The following GLRA2 variants were observed in gnomAD, a reference collection of about 807,000 sequenced individuals.
GLRA2 encodes the protein glycine receptor alpha 2, also known as glycine receptor subunit alpha-2.
In GLRA2, 11 loss-of-function variants were observed where a neutral mutation model predicts 31.6. That is an observed-to-expected ratio of 0.35 (90% CI 0.22 to 0.58). The LOEUF (loss-of-function observed/expected upper bound fraction) is 0.58, where lower values mean the gene tolerates loss of function less well. Ranked by LOEUF, GLRA2 falls within the 20% of genes least tolerant of loss-of-function variation. The pLI, the probability that GLRA2 is intolerant of heterozygous loss-of-function variation, is 0.84. For synonymous variants in GLRA2, 132 were observed against 134.0 expected, an observed-to-expected ratio of 0.99 and a Z score of 0.10; for missense variants, 212 against 351.8, an observed-to-expected ratio of 0.60 and a Z score of 3.18.
At chrX:14,490,576 C>T in the GLRA2 span, among the ~76,000 whole-genome samples, 49 of 112,396 alleles carry the variant, frequency 4.4e-4, no homozygotes, top group African/African-American at 1.5e-3. Context: ...CCACAGTTTG[C>T]ACTTCAGATT....
intron 7 of GLRA2, among the ~76,000 whole-genome samples, chrX:14,653,012 A>G (rs985962826): frequency 9.0e-6 from 1 of 111,150 alleles, no homozygotes; most frequent in Non-Finnish European, 1.9e-5. Flanking sequence ...GAACACCTAA[A>G]TGAATATTTA....
At chrX:14,640,237 G>A (rs1009997670) in intron 7 of GLRA2, among the ~76,000 whole-genome samples, 21 of 111,134 alleles carry the variant, frequency 1.9e-4, no homozygotes, top group African/African-American at 6.5e-4. Flanking sequence ...GAAAGGAAAC[G>A]TGCAATGCCT....
chrX:14,681,910 A>ATATATATAT (rs1556060453), intron 7 of GLRA2, among the ~76,000 whole-genome samples: 10 of 41,269 alleles, frequency 2.4e-4, no homozygotes, highest in African/African-American at 1.1e-3. Flanking sequence ...AAAAAAAAAA[A>ATATATATAT]ATATATATAT....
At chrX:14,591,395 C>T (rs1411527573) in intron 4 of GLRA2, among the ~76,000 whole-genome samples, 2 of 111,205 alleles carry the variant, frequency 1.8e-5, no homozygotes, top group African/African-American at 6.5e-5. Context: ...GGCCAAAGGC[C>T]CAAGAGCCCC....
rs147088500 is a variant in GLRA2 at position 14,615,955 on chromosome X, T to C, written c.930+6750T>C. 5.4e-5 allele frequency among the ~76,000 whole-genome samples: 6 copies of C among 111,610 alleles called. No individual in the cohort carries two copies. In the East Asian group the frequency reaches 1.1e-3, roughly 21 times the overall value. On this transcript the variant is annotated intron_variant, in intron 7 of 8. Transcript: ENST00000218075. ...CAGCATGATATGTGTTTCATCGGTA[T>C]CTTTCCCTTTGAAGCTATAAAATTG...
the GLRA2 span, among the ~76,000 whole-genome samples, chrX:14,454,962 T>C: frequency 7.1e-5 from 8 of 112,418 alleles, no homozygotes; most frequent in African/African-American, 2.6e-4. Flanking sequence ...AATTAGAACT[T>C]GATGGACATC....
chrX:14,550,999 T>C, intron 2 of GLRA2, among the ~76,000 whole-genome samples: 1 of 112,359 alleles, frequency 8.9e-6, no homozygotes. Flanking sequence ...AATGAGTCCT[T>C]ACTATGTGTC....
chrX:14,583,476 C>G (rs776430589), intron 4 of GLRA2, among the ~76,000 whole-genome samples: 1 of 112,507 alleles, frequency 8.9e-6, no homozygotes, highest in Non-Finnish European at 1.9e-5. Context: ...CCGTGGGTCA[C>G]GCCTGTAATC....
the GLRA2 span, among the ~76,000 whole-genome samples, chrX:14,523,352 G>C: frequency 8.9e-6 from 1 of 111,912 alleles, no homozygotes; most frequent in Non-Finnish European, 1.9e-5. Context: ...TGTTGTGACT[G>C]CTTTGATCTC....
chrX:14,586,063 CAAACA>C (rs754945578), intron 4 of GLRA2, among the ~76,000 whole-genome samples: 48 of 111,169 alleles, frequency 4.3e-4, no homozygotes, highest in African/African-American at 1.5e-3. Flanking sequence ...TTTTGATTGT[CAAACA>C]AAACAAATAT....
intron 8 of GLRA2, among the ~76,000 whole-genome samples, chrX:14,692,698 G>T (rs1274070096): frequency 9.0e-6 from 1 of 111,300 alleles, no homozygotes; most frequent in African/African-American, 3.3e-5. Flanking sequence ...CACTATCCTG[G>T]CTTACTGACT....
chrX:14,449,031 C>T, the GLRA2 span, among the ~76,000 whole-genome samples: 3 of 112,296 alleles, frequency 2.7e-5, no homozygotes, highest in Non-Finnish European at 5.6e-5. Flanking sequence ...CAGCTATCTG[C>T]TCATTCACCC....
At chrX:14,680,212 C>A (rs971845653) in intron 7 of GLRA2, among the ~76,000 whole-genome samples, 16 of 112,180 alleles carry the variant, frequency 1.4e-4, no homozygotes, top group African/African-American at 5.2e-4. Flanking sequence ...TAGAGCACAG[C>A]ATGAGTGGGG....
chrX:14,545,872 T>C (rs1375211229), intron 2 of GLRA2, among the ~76,000 whole-genome samples: 1 of 111,389 alleles, frequency 9.0e-6, no homozygotes, highest in Admixed American at 9.6e-5. Flanking sequence ...AGATTTGCTT[T>C]CCAAAGGAAG....
chrX:14,485,756 C>T, the GLRA2 span, among the ~76,000 whole-genome samples: 6,548 of 111,366 alleles, frequency 0.059, 500 homozygotes, highest in African/African-American at 0.2. Context: ...GCATTGGCCT[C>T]GTAATTGGTC....
At chrX:14,465,169 A>C in the GLRA2 span, among the ~76,000 whole-genome samples, 3 of 111,543 alleles carry the variant, frequency 2.7e-5, no homozygotes, top group African/African-American at 9.8e-5. Flanking sequence ...AATTTCTTTC[A>C]TCGGTGTTTT....
At chrX:14,716,338 G>C (rs2091784586) in intron 8 of GLRA2, among the ~76,000 whole-genome samples, 2 of 111,460 alleles carry the variant, frequency 1.8e-5, no homozygotes, top group Admixed American at 1.9e-4. Flanking sequence ...CACACATCTA[G>C]GTTATAGTAA....
rs182322543 is a variant in GLRA2 at position 14,613,726 on chromosome X, C to T, written c.930+4521C>T. 4.5e-5 allele frequency among the ~76,000 whole-genome samples: 5 copies of T among 110,969 alleles called. No individual in the cohort carries two copies. The East Asian group carries it at 8.6e-4, about 19-fold the overall frequency. On this transcript the variant is annotated intron_variant, in intron 7 of 8. Coordinates refer to ENST00000218075, the MANE Select transcript of GLRA2 (RefSeq NM_002063.4). ...AACTATGTACATATGCACAAATACA[C>T]GTGTGTGTTTTTTTTACAGATAGTT...
chrX:14,661,851 T>A (rs1198820193), intron 7 of GLRA2, among the ~76,000 whole-genome samples: 9 of 90,990 alleles, frequency 9.9e-5, no homozygotes, highest in Non-Finnish European at 1.9e-4. Context: ...CCAGCCTGGG[T>A]GACAGAGTGA....
Sources: allele counts gnomAD v4.1 joint callset (sites outside exome capture counted in the v4.1 genomes callset), GRCh38; gene constraint gnomAD v4.1.1; transcripts MANE v1.5; gene names NCBI Gene and HGNC (gene_info 2026-07-23, HGNC 2026-07-21).